The following GRB10 variants were observed in gnomAD, a reference collection of about 807,000 sequenced individuals.
GRB10 encodes growth factor receptor bound protein 10.
GRB10 carries 20 observed loss-of-function variants against 80.9 expected under a neutral mutation model. That is an observed-to-expected ratio of 0.25 (90% CI 0.17 to 0.36). The LOEUF (loss-of-function observed/expected upper bound fraction) is 0.36, where lower values mean the gene tolerates loss of function less well. Among genes scored for constraint, GRB10 ranks in the 10% least tolerant of loss-of-function variants. The pLI is 1.00. For synonymous variants in GRB10, 291 were observed against 291.5 expected (o/e 1.00, Z 0.02); for missense variants, 548 against 747.7 (o/e 0.73, Z 3.12).
rs144454966 is a variant in GRB10 at position 50,758,420 on chromosome 7, T to C, written c.-216-2364A>G. ...TACTAACCTGGGGAAAAATAAATAATGTCTTAACTTACTTCCAAAATATCC... is the reference window on the plus strand; with the variant it reads ...TACTAACCTGGGGAAAAATAAATAACGTCTTAACTTACTTCCAAAATATCC... On this transcript the variant is annotated intron_variant, in intron 2 of 18. Coordinates refer to ENST00000401949, the MANE Select transcript of GRB10 (RefSeq NM_001350814.2). 1.4e-3 allele frequency among the ~76,000 whole-genome samples: 219 copies of C among 152,338 alleles called. 2 individuals are homozygous for C. The highest frequency in any genetic ancestry group is 4.9e-3 in the African/African-American group (204 of 41,582).
chr7:50,696,012 A>G (rs2063375094), intron 5 of GRB10, among the ~76,000 whole-genome samples: 1 of 152,150 alleles, frequency 6.6e-6, no homozygotes, highest in African/African-American at 2.4e-5. Context: ...AGTAAATCTG[A>G]GCATCTTCTC....
At chr7:50,721,914 A>G (rs568536759) in intron 4 of GRB10, among the ~76,000 whole-genome samples, 20 of 152,334 alleles carry the variant, frequency 1.3e-4, no homozygotes, top group African/African-American at 4.3e-4. Flanking sequence ...GTCCAGGGAA[A>G]TGGCCCAGGC....
chr7:50,659,917 C>T (rs139058368), intron 7 of GRB10, among the ~76,000 whole-genome samples: 2 of 152,316 alleles, frequency 1.3e-5, no homozygotes, highest in East Asian at 1.9e-4. Flanking sequence ...GCATTTCTGT[C>T]GTCTGGGGCA....
chr7:50,663,445 C>G (rs1430508009), intron 7 of GRB10, among the ~76,000 whole-genome samples: 1 of 152,198 alleles, frequency 6.6e-6, no homozygotes, highest in Non-Finnish European at 1.5e-5. Context: ...CTCTCACCAT[C>G]GAGTCCCTCC....
At position 50,604,303 on chromosome 7, in the gene GRB10, C is replaced by T; in HGVS notation, c.1456+8G>A. On this transcript the variant is annotated splice_region_variant and intron_variant, in intron 16 of 18. Coordinates refer to ENST00000401949, the MANE Select transcript of GRB10 (RefSeq NM_001350814.2). ...GTACAAAAACATCAGGCAATGTGCC[C>T]TGTTTACCTGTACTTAGGGTAGAAG... is the stretch of plus-strand genomic sequence containing the variant. 2 of 1,607,630 alleles carry T rather than the reference C, an allele frequency of 1.2e-6. No individual in the cohort carries two copies. Among genetic ancestry groups the T allele is most frequent in the African/African-American group, 1.3e-5 (1 of 74,910 alleles).
intron 3 of GRB10, among the ~76,000 whole-genome samples, chr7:50,740,361 C>CT (rs2071490554): frequency 6.6e-6 from 1 of 152,172 alleles, no homozygotes; most frequent in Non-Finnish European, 1.5e-5. Context: ...GTCTTGTTCC[C>CT]TGCCATACCC....
intron 7 of GRB10, among the ~76,000 whole-genome samples, chr7:50,667,155 T>TG (rs1047779775): frequency 4.6e-5 from 7 of 152,164 alleles, no homozygotes; most frequent in African/African-American, 1.7e-4. Context: ...TCCTTTCTCA[T>TG]GGAAGTTTAA....
intron 13 of GRB10, among the ~76,000 whole-genome samples, chr7:50,610,377 T>G (rs955774513): frequency 6.6e-6 from 1 of 152,236 alleles, no homozygotes. Context: ...CCCGAGGCCA[T>G]CACTGCCACC....
intron 8 of GRB10, among the ~76,000 whole-genome samples, chr7:50,625,085 T>C (rs1467042991): frequency 6.6e-6 from 1 of 152,206 alleles, no homozygotes; most frequent in Non-Finnish European, 1.5e-5. Context: ...CTTCATTTGG[T>C]TAAAGTTTTA....
chr7:50,657,416 TC>T (rs1488380484), intron 7 of GRB10, among the ~76,000 whole-genome samples: 2 of 152,056 alleles, frequency 1.3e-5, no homozygotes, highest in Non-Finnish European at 2.9e-5. Flanking sequence ...TGCTTCTCAT[TC>T]CCTTCCAGGA....
At chr7:50,629,615 A>G (rs1392768494) in intron 7 of GRB10, among the ~76,000 whole-genome samples, 1 of 152,238 alleles carries the variant, frequency 6.6e-6, no homozygotes, top group Non-Finnish European at 1.5e-5. Context: ...AGCCCTGTGT[A>G]TACCAGCCAT....
At chr7:50,722,038 G>C (rs1015417861) in intron 4 of GRB10, among the ~76,000 whole-genome samples, 1 of 152,196 alleles carries the variant, frequency 6.6e-6, no homozygotes, top group Admixed American at 6.5e-5. Flanking sequence ...TCAGGCCAAA[G>C]ACAGGCTGAG....
intron 5 of GRB10, among the ~76,000 whole-genome samples, chr7:50,680,948 A>G (rs551280813): frequency 1.2e-3 from 190 of 152,282 alleles, no homozygotes; most frequent in Non-Finnish European, 1.7e-3. Flanking sequence ...GAAGATCCCA[A>G]TATGACTTAC....
chr7:50,707,064 A>G (rs778946476), intron 4 of GRB10, among the ~76,000 whole-genome samples: 2 of 152,252 alleles, frequency 1.3e-5, no homozygotes, highest in Admixed American at 1.3e-4. Context: ...TCTTAAAAGT[A>G]TAATCCAATG....
chr7:50,596,613 T>C (rs2046700521), intron 17 of GRB10, among the ~76,000 whole-genome samples: 1 of 152,378 alleles, frequency 6.6e-6, no homozygotes. Context: ...TTCCTGGTTT[T>C]TATAAGGTAC....
chr7:50,744,627 C>A (rs2072540621), intron 3 of GRB10, among the ~76,000 whole-genome samples: 1 of 152,086 alleles, frequency 6.6e-6, no homozygotes, highest in South Asian at 2.1e-4. Context: ...TAGTATGGGT[C>A]CCCTGTGTTA....
intron 5 of GRB10, among the ~76,000 whole-genome samples, chr7:50,698,406 A>G (rs1377164314): frequency 6.6e-6 from 1 of 152,240 alleles, no homozygotes; most frequent in Non-Finnish European, 1.5e-5. Context: ...GAGAATAAAG[A>G]TTCTCACTAT....
chr7:50,723,820 C>T (rs2068146493), intron 4 of GRB10, among the ~76,000 whole-genome samples: 1 of 151,942 alleles, frequency 6.6e-6, no homozygotes, highest in Admixed American at 6.6e-5. Context: ...ACGGTGTAGA[C>T]TCTTGATGGA....
intron 7 of GRB10, among the ~76,000 whole-genome samples, chr7:50,648,517 C>T (rs535478232): frequency 5.3e-5 from 8 of 152,320 alleles, no homozygotes; most frequent in African/African-American, 1.7e-4. Context: ...GGCAGAGCCT[C>T]GACCCAAGGC....
Sources: allele counts gnomAD v4.1 joint callset (sites outside exome capture counted in the v4.1 genomes callset), GRCh38; gene constraint gnomAD v4.1.1; transcripts MANE v1.5; gene names NCBI Gene and HGNC (gene_info 2026-07-23, HGNC 2026-07-21).